CNKSR3: variants seen among roughly 807,000 people sequenced by gnomAD.
The protein encoded by CNKSR3 is connector enhancer of kinase suppressor of ras 3.
CNKSR3 carries 36 observed loss-of-function variants against 67.7 expected under a neutral mutation model. The ratio of observed to expected loss-of-function variants is 0.53; its 90% CI spans 0.41 to 0.70. CNKSR3 has a LOEUF of 0.70. Ranked by LOEUF, CNKSR3 falls within the 30% of genes least tolerant of loss-of-function variation. The pLI, the probability that CNKSR3 is intolerant of heterozygous loss-of-function variation, is 0.00. For missense variants in CNKSR3, 630 were observed against 695.2 expected, an observed-to-expected ratio of 0.91 and a Z score of 1.05; for synonymous variants, 281 against 271.4, an observed-to-expected ratio of 1.04 and a Z score of -0.35.
At chr6:154,425,745 C>CTTGTTTCAGCCTCAAGCAAGCA (rs1562326632) in intron 7 of CNKSR3, among the ~76,000 whole-genome samples, 1 of 151,420 alleles carries the variant, frequency 6.6e-6, no homozygotes, top group Non-Finnish European at 1.5e-5. Flanking sequence ...GAAGGCCTTG[C>CTTGTTTCAGCCTCAAGCAAGCA]TTGCTTCAGC....
intron 9 of CNKSR3, among the ~76,000 whole-genome samples, chr6:154,416,864 T>C (rs758575516): frequency 6.6e-6 from 1 of 152,196 alleles, no homozygotes; most frequent in Non-Finnish European, 1.5e-5. Context: ...ATTATCTCCC[T>C]GTGTCACAAG....
intron 4 of CNKSR3, among the ~76,000 whole-genome samples, chr6:154,437,266 T>C (rs1156371201): frequency 6.6e-6 from 1 of 152,150 alleles, no homozygotes; most frequent in East Asian, 1.9e-4. Context: ...TGAAGTCCCC[T>C]GGCACGTTCA....
At chr6:154,467,701 CCATAT>C (rs1302753191) in intron 1 of CNKSR3, among the ~76,000 whole-genome samples, 1 of 151,850 alleles carries the variant, frequency 6.6e-6, no homozygotes, top group Non-Finnish European at 1.5e-5. Flanking sequence ...TATACATATA[CCATAT>C]AACTATGTAA....
chr6:154,489,751 G>A (rs1786750125), intron 1 of CNKSR3, among the ~76,000 whole-genome samples: 1 of 152,106 alleles, frequency 6.6e-6, no homozygotes, highest in African/African-American at 2.4e-5. Flanking sequence ...ACCACTTCCA[G>A]AGAAAAAATT....
Position 154,393,215 on chromosome 6 carries a change from C to G in CNKSR3, c.*13139G>C, listed in dbSNP as rs1784626407. Reference sequence around the variant, plus strand: ...AGGTGTGAGCCACTGCACCCACCTACTTAGTGTTTCTAATCCCCAGGATAT... The same window carrying G: ...AGGTGTGAGCCACTGCACCCACCTAGTTAGTGTTTCTAATCCCCAGGATAT... On this transcript the variant is annotated 3_prime_UTR_variant, in exon 13 of 13. Coordinates refer to ENST00000607772, the MANE Select transcript of CNKSR3 (RefSeq NM_173515.4). The G allele has an allele frequency of 6.6e-6, 1 of 152,156 alleles. No individual in the cohort carries two copies. Among genetic ancestry groups the G allele is most frequent in the South Asian group, 2.1e-4 (1 of 4,834 alleles). 9.4% of individuals were successfully genotyped at this position (152,156 alleles called of 1,614,324 possible).
chr6:154,425,166 C>T (rs193107999), intron 7 of CNKSR3, among the ~76,000 whole-genome samples: 11 of 152,324 alleles, frequency 7.2e-5, no homozygotes, highest in Admixed American at 6.5e-4. Flanking sequence ...TAAAGGCCTA[C>T]TTTAGTAATT....
At chr6:154,459,482 A>C (rs1346181348) in intron 1 of CNKSR3, among the ~76,000 whole-genome samples, 1 of 146,510 alleles carries the variant, frequency 6.8e-6, no homozygotes, top group Non-Finnish European at 1.5e-5. Flanking sequence ...AAAAGTTTAG[A>C]CTCTTACCCA....
intron 9 of CNKSR3, among the ~76,000 whole-genome samples, chr6:154,414,996 G>A (rs1319940871): frequency 6.8e-6 from 1 of 147,472 alleles, no homozygotes; most frequent in Non-Finnish European, 1.5e-5. Context: ...TACTTGGGAT[G>A]ATGAGATGGG....
chr6:154,460,912 G>A (rs1265669422), intron 1 of CNKSR3, among the ~76,000 whole-genome samples: 2 of 152,156 alleles, frequency 1.3e-5, no homozygotes, highest in African/African-American at 4.8e-5. Context: ...AGTTGGGCGA[G>A]TTCTACCGTA....
In CNKSR3 at chr6:154,403,424, T is replaced by TAAA. The variant is rs1366553785; in HGVS notation, c.*2929_*2930insTTT. 230 of 139,122 alleles carry TAAA rather than the reference T, an allele frequency of 1.7e-3. 1 individual carries two copies. The East Asian group carries it at 0.029, about 18-fold the overall frequency. The allele number at this position is 139,122 out of a possible 1,614,324, so 8.6% of individuals were successfully genotyped here. On this transcript the variant is annotated 3_prime_UTR_variant, in exon 13 of 13. Coordinates refer to ENST00000607772, the MANE Select transcript of CNKSR3 (RefSeq NM_173515.4). ...ATCTGTCTCAGAAAAAAAAAAAAAT[T>TAAA]TTTTTTAAAGAAATAAAAATAAAGA...
At chr6:154,454,525 A>G (rs1785910635) in intron 1 of CNKSR3, among the ~76,000 whole-genome samples, 3 of 152,184 alleles carry the variant, frequency 2.0e-5, no homozygotes, top group African/African-American at 7.2e-5. Context: ...CATCTCTATT[A>G]ACAGAAAAAA....
chr6:154,494,019 T>C (rs2114652049), intron 1 of CNKSR3, among the ~76,000 whole-genome samples: 1 of 152,178 alleles, frequency 6.6e-6, no homozygotes, highest in African/African-American at 2.4e-5. Context: ...CTAGCTAGGA[T>C]TAATAAGAAA....
Position 154,411,004 on chromosome 6 carries a change from A to C in CNKSR3, c.1209T>G (p.Asp403Glu). 1 of 1,614,094 alleles carries C rather than the reference A, an allele frequency of 6.2e-7. No individual in the cohort carries two copies. The highest frequency in any genetic ancestry group is 8.5e-7 in the Non-Finnish European group (1 of 1,180,006). ...TTTCCACCGAGTACCCAGGCAACTG[A>C]TCCGAGTCTGCAATGGTGAATCTTC... Reference protein sequence around the residue: ...RRRRFTIADSDQLPGYSVETN... With the variant: ...RRRRFTIADSEQLPGYSVETN... Residue 403 changes from aspartate (D) to glutamate (E), a missense_variant, in exon 11 of 13, where the codon GAT becomes GAG. Coordinates refer to ENST00000607772, the MANE Select transcript of CNKSR3 (RefSeq NM_173515.4).
At chr6:154,426,080 G>A (rs780670724) in intron 7 of CNKSR3, among the ~76,000 whole-genome samples, 9 of 152,150 alleles carry the variant, frequency 5.9e-5, no homozygotes, top group Non-Finnish European at 8.8e-5. Context: ...CAATAAATGC[G>A]AATTGAATGA....
intron 1 of CNKSR3, among the ~76,000 whole-genome samples, chr6:154,489,110 A>G (rs981618719): frequency 2.0e-5 from 3 of 152,160 alleles, no homozygotes; most frequent in African/African-American, 7.2e-5. Flanking sequence ...GTGTTCTTAC[A>G]GGGTTCAGGA....
At position 154,411,046 on chromosome 6, in the gene CNKSR3, G is replaced by T. The variant is rs1292698977; in HGVS notation, c.1167C>A (p.Asp389Glu). Residue 389 changes from aspartate (D) to glutamate (E), a missense_variant, in exon 11 of 13, where the codon GAC becomes GAA. By Grantham distance (45) the Asp-to-Glu change is conservative (BLOSUM62 2). Coordinates refer to ENST00000607772, the MANE Select transcript of CNKSR3 (RefSeq NM_173515.4). ...KGSESPNSFL[D>E]QESRRRRFTI... is the part of the protein sequence containing the mutation. ...TGAATCTTCGTCTCCGGCTTTCCTG[G>T]TCCAAGAAGGAATTCGGGGACTCTG... 2 of 1,614,064 alleles carry T rather than the reference G, an allele frequency of 1.2e-6. No homozygotes were observed. Among genetic ancestry groups the T allele is most frequent in the Admixed American group, 3.3e-5 (2 of 60,016 alleles).
At chr6:154,428,940 T>C (rs1240911598) in intron 6 of CNKSR3, among the ~76,000 whole-genome samples, 1 of 152,156 alleles carries the variant, frequency 6.6e-6, no homozygotes, top group African/African-American at 2.4e-5. Context: ...GACAAAGATA[T>C]ATGAACAAAG....
chr6:154,481,737 C>A (rs1423325573), intron 1 of CNKSR3, among the ~76,000 whole-genome samples: 1 of 152,218 alleles, frequency 6.6e-6, no homozygotes, highest in African/African-American at 2.4e-5. Flanking sequence ...TGAGTGACAG[C>A]AGGTGGCTGT....
rs1375874883 is a variant in CNKSR3, at chr6:154,403,956, G to C, written c.*2398C>G. On this transcript the variant is annotated 3_prime_UTR_variant, in exon 13 of 13. Transcript: ENST00000607772. Reference sequence around the variant, plus strand: ...TCTCCCCACAATCTGGGGAGTAAGAGGAGATGTTGCCACCCACTTCCTGGG... The same window carrying C: ...TCTCCCCACAATCTGGGGAGTAAGACGAGATGTTGCCACCCACTTCCTGGG... 1 of 152,154 alleles carries C rather than the reference G, an allele frequency of 6.6e-6. No individual in the cohort carries two copies. Among genetic ancestry groups the C allele is most frequent in the Non-Finnish European group, 1.5e-5 (1 of 68,058 alleles). 9.4% of individuals were successfully genotyped at this position (152,154 alleles called of 1,614,324 possible).
Sources: gnomAD v4.1 joint callset for allele counts (sites outside exome capture counted in the v4.1 genomes callset) on GRCh38, gnomAD v4.1.1 for gene constraint, MANE v1.5 for transcripts, NCBI Gene and HGNC (gene_info 2026-07-23, HGNC 2026-07-21) for gene names.